Variants in FAM171A1 observed in about 807,000 individuals in gnomAD.
FAM171A1 encodes family with sequence similarity 171 member A1, also known as protein FAM171A1.
A neutral mutation model predicts 74.9 loss-of-function variants in FAM171A1; 23 were observed. That is an observed-to-expected ratio of 0.31 (90% CI 0.22 to 0.44). FAM171A1 has a LOEUF of 0.44. FAM171A1 is among the 20% of genes least tolerant of loss of function. The pLI, the probability that FAM171A1 is intolerant of heterozygous loss-of-function variation, is 1.00. For missense variants in FAM171A1, 1,162 were observed against 1,159.2 expected (o/e 1.00, Z -0.03); for synonymous variants, 527 against 505.7 (o/e 1.04, Z -0.57).
chr10:15,312,671 GTGT>G lies in FAM171A1; in HGVS notation c.98-28569_98-28567del, dbSNP rs1564274237. ...ACTACTGGAATGAGTTCAGCACTGT[GTGT>G]TTTTTTTTTTTTTTTTTTTTTTTTT... is the stretch of plus-strand genomic sequence containing the variant. On this transcript the variant is annotated intron_variant, in intron 1 of 7. Coordinates refer to ENST00000378116, the MANE Select transcript of FAM171A1 (RefSeq NM_001010924.2). 1.7e-4 allele frequency among the ~76,000 whole-genome samples: 9 copies of G among 51,882 alleles called. 1 individual carries two copies. The highest frequency in any genetic ancestry group is 5.9e-4 in the African/African-American group (8 of 13,550). The allele number at this position is 51,882 out of a possible 152,430, so 34.0% of individuals were successfully genotyped here. A position where few individuals can be genotyped will look rare whatever the true frequency, so the allele number is the denominator to read the frequency against.
chr10:15,277,572 G>A (rs1236527688), intron 2 of FAM171A1, among the ~76,000 whole-genome samples: 1 of 152,144 alleles, frequency 6.6e-6, no homozygotes, highest in East Asian at 1.9e-4. Flanking sequence ...AAGGAAACAG[G>A]TTTACAGATG....
intron 1 of FAM171A1, among the ~76,000 whole-genome samples, chr10:15,346,675 G>A (rs924756967): frequency 6.6e-6 from 1 of 152,182 alleles, no homozygotes. Context: ...TACAGAAGGC[G>A]TGGAAATGAG....
intron 1 of FAM171A1, among the ~76,000 whole-genome samples, chr10:15,287,090 T>C (rs1401884421): frequency 7.4e-6 from 1 of 135,028 alleles, no homozygotes; most frequent in Admixed American, 7.1e-5. Context: ...ATTTTCTTCT[T>C]CTTTTTTTTT....
chr10:15,279,107 G>A (rs1243128698), intron 2 of FAM171A1, among the ~76,000 whole-genome samples: 2 of 152,140 alleles, frequency 1.3e-5, no homozygotes, highest in Admixed American at 6.6e-5. Flanking sequence ...TGAGCTGACC[G>A]GTTTGGGGGG....
At chr10:15,275,721 A>G (rs757222804) in intron 3 of FAM171A1, 134 bp downstream of exon 3, 126 of 497,022 alleles carry the variant, frequency 2.5e-4, no homozygotes, top group Non-Finnish European at 4.9e-5. Context: ...AGACAAGTTA[A>G]TGATGGGTTA....
chr10:15,324,935 C>G (rs945359792), intron 1 of FAM171A1, among the ~76,000 whole-genome samples: 29 of 152,202 alleles, frequency 1.9e-4, no homozygotes, highest in African/African-American at 7.0e-4. Flanking sequence ...ACAGCCAGCA[C>G]TTGCACTCCG....
chr10:15,297,079 A>G (rs1349635688), intron 1 of FAM171A1, among the ~76,000 whole-genome samples: 2 of 148,050 alleles, frequency 1.4e-5, no homozygotes, highest in African/African-American at 2.5e-5. Flanking sequence ...TTTTTTTGAG[A>G]TGGAGTCTTG....
At chr10:15,266,159 A>G (rs1455670976) in intron 3 of FAM171A1, among the ~76,000 whole-genome samples, 1 of 152,104 alleles carries the variant, frequency 6.6e-6, no homozygotes, top group Non-Finnish European at 1.5e-5. Flanking sequence ...TACCTGGCTC[A>G]CAGAAGGCCT....
chr10:15,261,005 G>T (rs1834648877), intron 3 of FAM171A1, among the ~76,000 whole-genome samples: 1 of 152,220 alleles, frequency 6.6e-6, no homozygotes, highest in Non-Finnish European at 1.5e-5. Context: ...GAGGAGTAGG[G>T]AAAGTGTTTG....
chr10:15,325,290 G>T (rs1240912033), intron 1 of FAM171A1, among the ~76,000 whole-genome samples: 2 of 152,198 alleles, frequency 1.3e-5, no homozygotes, highest in Non-Finnish European at 2.9e-5. Context: ...GAGCCCAGGA[G>T]TTCGAGACCA....
chr10:15,318,564 T>G (rs1419429286), intron 1 of FAM171A1, among the ~76,000 whole-genome samples: 1 of 152,228 alleles, frequency 6.6e-6, no homozygotes, highest in Non-Finnish European at 1.5e-5. Flanking sequence ...CCAAATCCCC[T>G]ACCAAATGCC....
Position 15,370,985 on chromosome 10 carries a change from G to C in FAM171A1, c.68C>G (p.Thr23Arg). ...GGCTCCGGCGCCGGGCTCCCGCAGC[G>C]TCTTGGTCACCGCCTTCCAGACGTG... ...GCHVWKAVTK[T>R]LREPGAGAQE... Residue 23 changes from threonine to arginine, a missense_variant, in exon 1 of 8, where the codon ACG (threonine) becomes AGG (arginine). Thr to Arg is a moderately conservative substitution (Grantham distance 71). Coordinates refer to ENST00000378116, the MANE Select transcript of FAM171A1 (RefSeq NM_001010924.2). 2 of 1,189,852 alleles carry C rather than the reference G, an allele frequency of 1.7e-6. No individual in the cohort carries two copies. The highest frequency in any genetic ancestry group is 1.1e-6 in the Non-Finnish European group (1 of 937,960). The allele number at this position is 1,189,852 out of a possible 1,614,324, so 73.7% of individuals were successfully genotyped here.
At chr10:15,278,782 A>G (rs1284152330) in intron 2 of FAM171A1, among the ~76,000 whole-genome samples, 1 of 151,704 alleles carries the variant, frequency 6.6e-6, no homozygotes, top group South Asian at 2.1e-4. Context: ...GCTAATAGGT[A>G]TGGGGTTTTG....
chr10:15,347,050 A>T lies in FAM171A1; in HGVS notation c.97+23906T>A, dbSNP rs186523902. Among the ~76,000 whole-genome samples the T allele has an allele frequency of 1.8e-4, 27 of 152,302 alleles. 1 individual carries two copies. The highest frequency in any genetic ancestry group is 4.4e-5 in the Non-Finnish European group (3 of 68,030). ...AAAGAGATCTCAGGAAGACCTAGAC[A>T]TTTGTTAAAATTAAACAATTTTTTT... On this transcript the variant is annotated intron_variant, in intron 1 of 7. Coordinates refer to ENST00000378116, the MANE Select transcript of FAM171A1 (RefSeq NM_001010924.2).
chr10:15,334,560 T>C (rs1419164730), intron 1 of FAM171A1, among the ~76,000 whole-genome samples: 1 of 152,190 alleles, frequency 6.6e-6, no homozygotes, highest in Non-Finnish European at 1.5e-5. Context: ...TTTCCAATCC[T>C]CAACATGGGT....
intron 1 of FAM171A1, among the ~76,000 whole-genome samples, chr10:15,352,386 G>C (rs766878407): frequency 6.6e-6 from 1 of 152,108 alleles, no homozygotes; most frequent in African/African-American, 2.4e-5. Flanking sequence ...ACAGGAATGG[G>C]CCTCACCCAA....
intron 3 of FAM171A1, among the ~76,000 whole-genome samples, chr10:15,266,265 G>C (rs80323815): frequency 0.13 from 20,118 of 152,178 alleles, 1,638 homozygotes; most frequent in Non-Finnish European, 0.18. Context: ...GGGGACGAGA[G>C]CTGCTGGGTC....
At chr10:15,239,343 G>A (rs1050906841) in intron 5 of FAM171A1, among the ~76,000 whole-genome samples, 8 of 150,532 alleles carry the variant, frequency 5.3e-5, no homozygotes, top group African/African-American at 7.3e-5. Flanking sequence ...TCACTCTGTC[G>A]CCCAGGCTGG....
At chr10:15,245,987 G>A (rs537381330) in intron 5 of FAM171A1, among the ~76,000 whole-genome samples, 59 of 152,038 alleles carry the variant, frequency 3.9e-4, no homozygotes, top group Admixed American at 1.0e-3. Context: ...TTAGAATTCC[G>A]GCATTCTTCA....
Sources: allele counts gnomAD v4.1 joint callset (sites outside exome capture counted in the v4.1 genomes callset), GRCh38; gene constraint gnomAD v4.1.1; transcripts MANE v1.5; gene names NCBI Gene and HGNC (gene_info 2026-07-23, HGNC 2026-07-21).